Variants in CAPZA2 observed in about 807,000 individuals in gnomAD.
CAPZA2 encodes capping actin protein of muscle Z-line subunit alpha 2.
In CAPZA2, 13 loss-of-function variants were observed where a neutral mutation model predicts 44.0. The ratio of observed to expected loss-of-function variants is 0.30; its 90% CI spans 0.19 to 0.47. The LOEUF is 0.47. Among genes scored for constraint, CAPZA2 ranks in the 20% least tolerant of loss-of-function variants. CAPZA2 has a pLI of 1.00. For synonymous variants in CAPZA2, 94 were observed against 108.2 expected, an observed-to-expected ratio of 0.87 and a Z score of 0.81; for missense variants, 244 against 338.6, an observed-to-expected ratio of 0.72 and a Z score of 2.19.
chr7:116,875,539 G>GT (rs35583254), intron 1 of CAPZA2: 31,906 of 146,174 alleles, frequency 0.22, 3,547 homozygotes, highest in East Asian at 0.41. Flanking sequence ...AAATTGGAGG[G>GT]TTTTTTTTTT....
intron 1 of CAPZA2, among the ~76,000 whole-genome samples, chr7:116,877,006 T>G (rs1035902950): frequency 4.6e-5 from 7 of 152,188 alleles, no homozygotes; most frequent in Non-Finnish European, 1.0e-4. Context: ...CAAAGCTTGC[T>G]ACTCAGAGAT....
intron 2 of CAPZA2, chr7:116,888,686 A>G (rs910224148): frequency 6.6e-6 from 1 of 150,946 alleles, no homozygotes; most frequent in South Asian, 2.1e-4. Context: ...ACCAAAAAAA[A>G]AAAAAAAAAA....
In CAPZA2 at chr7:116,918,731, A is replaced by G. The variant is rs561916344; in HGVS notation, c.*864A>G. On this transcript the variant is annotated 3_prime_UTR_variant, in exon 10 of 10. Coordinates refer to ENST00000361183, the MANE Select transcript of CAPZA2 (RefSeq NM_006136.3). ...GTGACATTAAAATGCAAATTTTCCT[A>G]TTTATTTGAGTAGAAAATCACTTAC... is the stretch of plus-strand genomic sequence containing the variant. 3 of 152,086 alleles carry G rather than the reference A, an allele frequency of 2.0e-5. No homozygotes were observed. The highest frequency in any genetic ancestry group is 1.9e-4 in the East Asian group (1 of 5,180). 9.4% of individuals were successfully genotyped at this position (152,086 alleles called of 1,614,324 possible). A position where few individuals can be genotyped will look rare whatever the true frequency, so the allele number is the denominator to read the frequency against.
intron 1 of CAPZA2, among the ~76,000 whole-genome samples, chr7:116,884,428 C>T (rs1796736034): frequency 6.6e-6 from 1 of 152,164 alleles, no homozygotes; most frequent in Admixed American, 6.5e-5. Flanking sequence ...CTTCCCCACC[C>T]CTCAGCTTCT....
intron 6 of CAPZA2, 48 bp from the exon 7 acceptor site, chr7:116,910,185 C>A: frequency 1.0e-6 from 1 of 985,170 alleles, no homozygotes; most frequent in South Asian, 1.3e-5. Flanking sequence ...AAAATTGATT[C>A]AAATTATTTT....
At chr7:116,899,292 A>AT (rs542175801) in intron 4 of CAPZA2, among the ~76,000 whole-genome samples, 12 of 149,066 alleles carry the variant, frequency 8.1e-5, no homozygotes, top group Non-Finnish European at 9.0e-5. Flanking sequence ...GGTCACTAGC[A>AT]TTTTTTTTTT....
chr7:116,891,543 G>A (rs1312029225), intron 2 of CAPZA2, among the ~76,000 whole-genome samples: 6 of 152,094 alleles, frequency 3.9e-5, no homozygotes, highest in African/African-American at 1.4e-4. Context: ...ATGGAGTCTC[G>A]CTCTGTTGCC....
chr7:116,918,020 A>T lies in CAPZA2; in HGVS notation c.*153A>T. On this transcript the variant is annotated 3_prime_UTR_variant, in exon 10 of 10. Coordinates refer to ENST00000361183, the MANE Select transcript of CAPZA2 (RefSeq NM_006136.3). ...TTTGATTAGAGCACAAAGCTTAGCT[A>T]ATCAACCATTATTTTTCATTTTGTT... is the stretch of plus-strand genomic sequence containing the variant. 1.7e-6 allele frequency: 1 copy of T among 575,822 alleles called. No individual in the cohort carries two copies. 35.7% of individuals were successfully genotyped at this position (575,822 alleles called of 1,614,324 possible).
intron 3 of CAPZA2, among the ~76,000 whole-genome samples, chr7:116,897,758 A>G (rs1056530085): frequency 1.3e-5 from 2 of 152,068 alleles, no homozygotes; most frequent in Non-Finnish European, 2.9e-5. Flanking sequence ...CTTTACTCTT[A>G]TGGAGTAGAT....
At chr7:116,884,168 T>C (rs896948217) in intron 1 of CAPZA2, among the ~76,000 whole-genome samples, 8 of 152,196 alleles carry the variant, frequency 5.3e-5, no homozygotes, top group Non-Finnish European at 1.0e-4. Context: ...TTTTTAAAAT[T>C]GCTATTTATA....
At chr7:116,911,254 A>G (rs1277989090) in intron 7 of CAPZA2, among the ~76,000 whole-genome samples, 1 of 152,182 alleles carries the variant, frequency 6.6e-6, no homozygotes, top group Non-Finnish European at 1.5e-5. Flanking sequence ...GCATAGTACC[A>G]TATGATTGTT....
At chr7:116,904,969 TAAAAAAA>T (rs371485695) in intron 5 of CAPZA2, among the ~76,000 whole-genome samples, 1 of 95,630 alleles carries the variant, frequency 1.0e-5, no homozygotes, top group Non-Finnish European at 2.0e-5. Flanking sequence ...TGTCTCTACT[TAAAAAAA>T]AAAAAAAAAA....
chr7:116,870,271 A>G (rs1475028191), intron 1 of CAPZA2, among the ~76,000 whole-genome samples: 1 of 152,198 alleles, frequency 6.6e-6, no homozygotes, highest in Non-Finnish European at 1.5e-5. Context: ...TAGAAAAGCT[A>G]CTTCTGCCTA....
chr7:116,887,895 CTTTA>C (rs1456876723), intron 1 of CAPZA2, among the ~76,000 whole-genome samples: 1 of 152,056 alleles, frequency 6.6e-6, no homozygotes, highest in Non-Finnish European at 1.5e-5. Flanking sequence ...AGCTTTGAAT[CTTTA>C]TTCATTCAGT....
intron 9 of CAPZA2, among the ~76,000 whole-genome samples, chr7:116,916,966 T>C (rs1791688146): frequency 6.6e-6 from 1 of 152,218 alleles, no homozygotes; most frequent in Non-Finnish European, 1.5e-5. Context: ...TAATTCAGGC[T>C]GTGTCTTAGC....
chr7:116,870,827 G>A (rs966437921), intron 1 of CAPZA2, among the ~76,000 whole-genome samples: 1 of 152,198 alleles, frequency 6.6e-6, no homozygotes, highest in African/African-American at 2.4e-5. Flanking sequence ...ATAGGGGAAA[G>A]GCGTGAGTCA....
In CAPZA2 at chr7:116,910,489, C is replaced by T. The variant is rs551743570; in HGVS notation, c.585+178C>T. Among the ~76,000 whole-genome samples the T allele has an allele frequency of 3.9e-5, 6 of 152,130 alleles. No individual in the cohort carries two copies. The East Asian group carries it at 1.2e-3, about 29-fold the overall frequency. On this transcript the variant is annotated intron_variant, in intron 7 of 9. Coordinates refer to ENST00000361183, the MANE Select transcript of CAPZA2 (RefSeq NM_006136.3). ...CTTTTAAATAACCTGGCAGTTTATTCCCTAGTCATCAAAAATCTGCAAGGA... is the reference window on the plus strand; with the variant it reads ...CTTTTAAATAACCTGGCAGTTTATTTCCTAGTCATCAAAAATCTGCAAGGA...
intron 1 of CAPZA2, 150 bp downstream of exon 1, chr7:116,862,800 T>C: frequency 1.2e-6 from 1 of 831,136 alleles, no homozygotes; most frequent in Non-Finnish European, 1.8e-6. Context: ...CTGCGCCCAG[T>C]GCCTGCCCCT....
rs1562959493 is a variant in CAPZA2, at chr7:116,888,445, C to G, written c.103+255C>G. On this transcript the variant is annotated intron_variant, in intron 2 of 9. Coordinates refer to ENST00000361183, the MANE Select transcript of CAPZA2 (RefSeq NM_006136.3). The stretch of plus-strand genomic sequence containing the variant: ...TTCATATCACTGACTAGAATATATC[C>G]TCATTCTGGGAAAGGAGAGTCTTTT... 5 of 333,114 alleles carry G rather than the reference C, an allele frequency of 1.5e-5. No individual in the cohort carries two copies. In the East Asian group the frequency reaches 2.5e-4, roughly 17 times the overall value. The allele number at this position is 333,114 out of a possible 1,614,324, so 20.6% of individuals were successfully genotyped here. A position where few individuals can be genotyped will look rare whatever the true frequency, so the allele number is the denominator to read the frequency against.
Sources: gnomAD v4.1 joint callset for allele counts (sites outside exome capture counted in the v4.1 genomes callset) on GRCh38, gnomAD v4.1.1 for gene constraint, MANE v1.5 for transcripts, NCBI Gene and HGNC (gene_info 2026-07-23, HGNC 2026-07-21) for gene names.